Variants in IDUA observed in about 807,000 individuals in gnomAD.
The protein encoded by IDUA is iduronidase alpha-L-.
Under a neutral mutation model 68.9 loss-of-function variants are expected in IDUA, and 65 were observed. That is an observed-to-expected ratio of 0.94 (90% CI 0.77 to 1.16). IDUA has a LOEUF of 1.16. Ranked by LOEUF, IDUA falls within the 50% of genes most tolerant of loss-of-function variation. The pLI is 0.00. For missense variants in IDUA, 1,046 were observed against 938.0 expected (o/e 1.12, Z -1.50); for synonymous variants, 529 against 433.6 (o/e 1.22, Z -2.73).
At chr4:988,302 G>A in intron 2 of IDUA, 1 of 1,124,012 alleles carries the variant, frequency 8.9e-7, no homozygotes, top group Non-Finnish European at 1.1e-6. Context: ...ACAGCACCCT[G>A]GGCCCTGACG....
chr4:1,004,352 G>T lies in IDUA; in HGVS notation c.1921G>T (p.Val641Phe), dbSNP rs1200080492. The change falls in exon 14 of 14, where the codon GTC becomes TTC. Residue 641 changes from valine (V) to phenylalanine (F), a missense_variant. By Grantham distance (50) the Val-to-Phe change is conservative (BLOSUM62 -1). Transcript: ENST00000514224. This position sits in a 1 kb window ranked among gnomAD's most constrained non-coding sequence, Gnocchi z 5.0. ...PFSDPVPYLE[V>F]PVPRGPPSPG... is the part of the protein sequence containing the mutation. Reference sequence around the variant, plus strand: ...CTCGGACCCTGTGCCGTACCTGGAGGTCCCTGTGCCAAGAGGGCCCCCATC... The same window carrying T: ...CTCGGACCCTGTGCCGTACCTGGAGTTCCCTGTGCCAAGAGGGCCCCCATC... 3 of 1,611,542 alleles carry T rather than the reference G, an allele frequency of 1.9e-6. No individual in the cohort carries two copies. Among genetic ancestry groups the T allele is most frequent in the Non-Finnish European group, 2.5e-6 (3 of 1,179,968 alleles).
Position 1,001,486 on chromosome 4 carries a change from A to G in IDUA, c.512A>G (p.His171Arg), listed in dbSNP as rs1715069237. ...RRYIGRYGLAHVSKWNFETWN... is the reference protein window; with the variant it reads ...RRYIGRYGLARVSKWNFETWN... ...TCTGCAGGTAGGTACGGACTGGCGCATGTTTCCAAGTGGAACTTCGAGACG... is the reference window on the plus strand; with the variant it reads ...TCTGCAGGTAGGTACGGACTGGCGCGTGTTTCCAAGTGGAACTTCGAGACG... The change falls in exon 5 of 14, where the codon CAT (histidine) becomes CGT (arginine). Residue 171 changes from histidine (H) to arginine (R), a missense_variant. His to Arg is a conservative substitution (Grantham distance 29). Transcript: ENST00000514224. 6.8e-6 allele frequency: 11 copies of G among 1,613,132 alleles called. No individual in the cohort carries two copies. In the East Asian group the frequency reaches 1.3e-4, roughly 20 times the overall value.
chr4:987,892 C>G lies in IDUA; in HGVS notation c.242C>G (p.Pro81Arg). Residue 81 changes from proline (P) to arginine (R), a missense_variant, in exon 2 of 14, where the codon CCT (proline) becomes CGT (arginine). Physicochemically the swap from Pro to Arg is moderately radical, Grantham distance 103 (BLOSUM62 -2). Coordinates refer to ENST00000514224, the MANE Select transcript of IDUA (RefSeq NM_000203.5). ...AACCTCGCCTATGTGGGCGCCGTCC[C>G]TCACCGCGGCATCAAGCAGGTCCGG... Reference protein sequence around the residue: ...QLNLAYVGAVPHRGIKQVRTH... With the variant: ...QLNLAYVGAVRHRGIKQVRTH... The G allele has an allele frequency of 6.2e-7, 1 of 1,609,940 alleles. No individual in the cohort carries two copies. Among genetic ancestry groups the G allele is most frequent in the Non-Finnish European group, 8.5e-7 (1 of 1,178,830 alleles).
chr4:990,171 G>A (rs748494830), intron 2 of IDUA: 27 of 1,560,616 alleles, frequency 1.7e-5, no homozygotes, highest in South Asian at 7.1e-5. Flanking sequence ...TGGCCTGCCC[G>A]GCGCCGCGCA....
intron 2 of IDUA, chr4:989,227 G>A: frequency 6.2e-7 from 1 of 1,611,006 alleles, no homozygotes; most frequent in Non-Finnish European, 8.5e-7. Flanking sequence ...CTTCCTCCTG[G>A]CAGCCATGCA....
Position 1,004,347 on chromosome 4 carries a change from T to C in IDUA, c.1916T>C (p.Leu639Pro). Residue 639 changes from leucine to proline, a missense_variant, in exon 14 of 14, where the codon CTG becomes CCG. Physicochemically the swap from Leu to Pro is moderately conservative, Grantham distance 98 (BLOSUM62 -3). Transcript: ENST00000514224. The surrounding 1 kb of genome is among the most constrained non-coding windows in gnomAD (Gnocchi z 5.0). ...PGPFSDPVPYLEVPVPRGPPS... is the reference protein window; with the variant it reads ...PGPFSDPVPYPEVPVPRGPPS... ...CCCTTCTCGGACCCTGTGCCGTACCTGGAGGTCCCTGTGCCAAGAGGGCCC... is the reference window on the plus strand; with the variant it reads ...CCCTTCTCGGACCCTGTGCCGTACCCGGAGGTCCCTGTGCCAAGAGGGCCC... 1 of 1,611,728 alleles carries C rather than the reference T, an allele frequency of 6.2e-7. No homozygotes were observed. The highest frequency in any genetic ancestry group is 8.5e-7 in the Non-Finnish European group (1 of 1,179,952).
intron 2 of IDUA, among the ~76,000 whole-genome samples, chr4:997,555 G>A (rs1020701642): frequency 1.3e-5 from 2 of 151,476 alleles, no homozygotes; most frequent in Non-Finnish European, 3.0e-5. Flanking sequence ...TGAGCCCGTT[G>A]TGCGGCCGCC....
At chr4:998,421 A>G (rs2153020869) in intron 2 of IDUA, among the ~76,000 whole-genome samples, 1 of 152,198 alleles carries the variant, frequency 6.6e-6, no homozygotes, top group African/African-American at 2.4e-5. Flanking sequence ...CCATGGTGGT[A>G]ACCCCATCCC....
intron 2 of IDUA, chr4:992,737 G>A (rs980744501): frequency 1.9e-5 from 3 of 155,088 alleles, no homozygotes; most frequent in African/African-American, 7.2e-5. Flanking sequence ...CTTGATCTCG[G>A]AAAACACCGT....
At chr4:990,762 G>T in intron 2 of IDUA, 1 of 391,306 alleles carries the variant, frequency 2.6e-6, no homozygotes, top group Non-Finnish European at 4.6e-6. Flanking sequence ...ACAGGCCAAG[G>T]CAGGAGACCT....
At chr4:997,471 C>T (rs1003055222) in intron 2 of IDUA, among the ~76,000 whole-genome samples, 10 of 151,388 alleles carry the variant, frequency 6.6e-5, no homozygotes, top group Non-Finnish European at 1.3e-4. Flanking sequence ...GCGGTCTTAG[C>T]GGCTCACGCG....
At chr4:1,001,152 G>A (rs778921471) in intron 4 of IDUA, 163 bp downstream of exon 4, 230 of 651,312 alleles carry the variant, frequency 3.5e-4, no homozygotes, top group Non-Finnish European at 4.8e-4. Context: ...GGTGGTCGGC[G>A]CAGGCCCTGG....
chr4:1,002,866 G>A lies in IDUA; in HGVS notation c.1324G>A (p.Ala442Thr). 6.9e-7 allele frequency: 1 copy of A among 1,446,272 alleles called. No homozygotes were observed. Among genetic ancestry groups the A allele is most frequent in the Non-Finnish European group, 9.0e-7 (1 of 1,105,626 alleles). The allele number at this position is 1,446,272 out of a possible 1,614,324, so 89.6% of individuals were successfully genotyped here. A position where few individuals can be genotyped will look rare whatever the true frequency, so the allele number is the denominator to read the frequency against. Reference sequence around the variant, plus strand: ...CTGGCGCGCCGCGGTGCTGATCTACGCGAGCGACGACACCCGCGCCCACCC... The same window carrying A: ...CTGGCGCGCCGCGGTGCTGATCTACACGAGCGACGACACCCGCGCCCACCC... ...DAWRAAVLIY[A>T]SDDTRAHPNR... The change falls in exon 9 of 14, where the codon GCG (alanine) becomes ACG (threonine). Residue 442 changes from alanine to threonine, a missense_variant. Physicochemically the swap from Ala to Thr is moderately conservative, Grantham distance 58. Transcript: ENST00000514224.
At chr4:987,004 G>T, upstream of IDUA, 1 of 1,319,696 alleles carries the variant, frequency 7.6e-7, no homozygotes, top group Non-Finnish European at 1.0e-6. Flanking sequence ...GCGGTCACAT[G>T]GGGTGCGCGC....
In IDUA at chr4:989,651, G is replaced by C; in HGVS notation, c.299+1702G>C. On this transcript the variant is annotated intron_variant, in intron 2 of 13. Transcript: ENST00000514224. ...TGTAGGTCGTGGAACAGCGGTGCCA[G>C]CGCCAGCAGCACCAGCAGCACCACG... The C allele has an allele frequency of 6.3e-7, 1 of 1,589,428 alleles. No individual in the cohort carries two copies. Among genetic ancestry groups the C allele is most frequent in the African/African-American group, 1.3e-5 (1 of 74,792 alleles).
intron 1 of IDUA, 137 bp downstream of exon 1, chr4:987,379 C>T: frequency 2.1e-6 from 2 of 930,878 alleles, no homozygotes; most frequent in Non-Finnish European, 1.5e-6. Flanking sequence ...CGCCCCCCGC[C>T]GTGTTTGTGG....
chr4:989,108 T>C (rs775460055), intron 2 of IDUA: 2 of 1,605,046 alleles, frequency 1.2e-6, no homozygotes, highest in Non-Finnish European at 1.7e-6. Context: ...ATGACCACTG[T>C]GTGGAAGCCG....
intron 2 of IDUA, among the ~76,000 whole-genome samples, chr4:996,775 G>A (rs1714764508): frequency 6.6e-6 from 1 of 152,140 alleles, no homozygotes; most frequent in Non-Finnish European, 1.5e-5. Context: ...GTGCTGTCCT[G>A]TGGCCAGGCC....
Position 1,002,713 on chromosome 4 carries a change from G to GCCCCCC in IDUA, c.1190-15_1190-10dup, listed in dbSNP as rs150523349. 4.4e-6 allele frequency: 6 copies of GCCCCCC among 1,364,562 alleles called. No homozygotes were observed. Among genetic ancestry groups the GCCCCCC allele is most frequent in the East Asian group, 2.9e-5 (1 of 33,924 alleles). The allele number at this position is 1,364,562 out of a possible 1,614,324, so 84.5% of individuals were successfully genotyped here. ...TGGGCAACGACCCCACGCGGCGACG[G>GCCCCCC]CCCCCCCCCGCCCCGCAGATGAGGA... On this transcript the variant is annotated intron_variant, in intron 8 of 13. Transcript: ENST00000514224.
Sources: gnomAD v4.1 joint callset for allele counts (sites outside exome capture counted in the v4.1 genomes callset) on GRCh38, gnomAD v4.1.1 for gene constraint, Gnocchi (gnomAD v3.1) non-coding constraint, MANE v1.5 for transcripts, NCBI Gene and HGNC (gene_info 2026-07-23, HGNC 2026-07-21) for gene names.